CSMD1: variants seen among roughly 807,000 people sequenced by gnomAD.
CSMD1 encodes the protein CUB and sushi domain-containing protein 1.
In CSMD1, 213 loss-of-function variants were observed where a neutral mutation model predicts 417.5. The ratio of observed to expected loss-of-function variants is 0.51; its 90% CI spans 0.46 to 0.57. The LOEUF (loss-of-function observed/expected upper bound fraction) is 0.57, where lower values mean the gene tolerates loss of function less well. Ranked by LOEUF, CSMD1 falls within the 20% of genes least tolerant of loss-of-function variation. The pLI is 0.00. For synonymous variants in CSMD1, 2,862 were observed against 1,736.8 expected (o/e 1.65, Z -16.11); for missense variants, 6,923 against 4,529.7 (o/e 1.53, Z -15.17).
chr8:4,295,701 T>TAAC (rs1159381388), intron 3 of CSMD1, among the ~76,000 whole-genome samples: 235 of 144,968 alleles, frequency 1.6e-3, no homozygotes, highest in Middle Eastern at 7.7e-3. Flanking sequence ...ATATATGTTA[T>TAAC]ATATTGTGTT....
intron 41 of CSMD1, among the ~76,000 whole-genome samples, chr8:3,136,100 C>T (rs937598312): frequency 3.9e-5 from 6 of 152,114 alleles, no homozygotes; most frequent in Non-Finnish European, 5.9e-5. Flanking sequence ...CTTTGTCCCC[C>T]CCTCATGCAT....
chr8:3,789,833 A>C (rs1250366804), intron 5 of CSMD1, among the ~76,000 whole-genome samples: 1 of 148,246 alleles, frequency 6.7e-6, no homozygotes, highest in African/African-American at 2.5e-5. Context: ...CGGGGGTTGC[A>C]CCATTCTCCT....
chr8:4,216,253 C>G lies in CSMD1; in HGVS notation c.416-184154G>C, dbSNP rs77050023. Among the ~76,000 whole-genome samples, 464 of 152,178 alleles carry G rather than the reference C, an allele frequency of 3.0e-3. 7 individuals carry two copies. The highest frequency in any genetic ancestry group is 0.011 in the African/African-American group (452 of 41,526). On this transcript the variant is annotated intron_variant, in intron 3 of 69. Transcript: ENST00000635120. The stretch of plus-strand genomic sequence containing the variant: ...CATGCCCTTTTTTTCTGCCTGGAAT[C>G]CTTTCACTCTACGAGACCTGACCTT...
chr8:3,402,038 C>T (rs1487916739), intron 15 of CSMD1, among the ~76,000 whole-genome samples: 1 of 151,948 alleles, frequency 6.6e-6, no homozygotes, highest in Non-Finnish European at 1.5e-5. Flanking sequence ...ACATACACCC[C>T]TTCTTGATTA....
At chr8:3,127,070 G>C (rs748730425) in intron 41 of CSMD1, among the ~76,000 whole-genome samples, 1 of 152,174 alleles carries the variant, frequency 6.6e-6, no homozygotes, top group Non-Finnish European at 1.5e-5. Flanking sequence ...GATCTGCAGG[G>C]AGAACATCCG....
intron 3 of CSMD1, among the ~76,000 whole-genome samples, chr8:4,256,737 G>C (rs73660711): frequency 5.3e-5 from 8 of 152,122 alleles, no homozygotes; most frequent in Non-Finnish European, 1.2e-4. Context: ...GCACAGTTAC[G>C]GGCAGTGAGG....
chr8:3,603,232 C>A (rs1334806101), intron 8 of CSMD1, among the ~76,000 whole-genome samples: 1 of 152,220 alleles, frequency 6.6e-6, no homozygotes. Context: ...ATTTTTCCTA[C>A]TCTGCTTCAG....
Position 4,874,531 on chromosome 8 carries a change from G to A in CSMD1, c.85+119801C>T, listed in dbSNP as rs188318348. The stretch of plus-strand genomic sequence containing the variant: ...CAGCCTCCTGAGCAGCTGGGATTAC[G>A]GGTGCCTGCCACCTCTCCCGGCTAA... On this transcript the variant is annotated intron_variant, in intron 1 of 69. Coordinates refer to ENST00000635120, the MANE Select transcript of CSMD1 (RefSeq NM_033225.6). 9.3e-5 allele frequency among the ~76,000 whole-genome samples: 14 copies of A among 151,242 alleles called. No individual in the cohort carries two copies. In the East Asian group the frequency reaches 2.1e-3, roughly 23 times the overall value.
intron 1 of CSMD1, among the ~76,000 whole-genome samples, chr8:4,919,820 G>T (rs934822244): frequency 6.6e-6 from 1 of 152,118 alleles, no homozygotes; most frequent in Non-Finnish European, 1.5e-5. Flanking sequence ...GCATGACCCA[G>T]AGTTCATCCC....
intron 3 of CSMD1, among the ~76,000 whole-genome samples, chr8:4,391,318 G>C (rs1398571920): frequency 6.6e-6 from 1 of 152,148 alleles, no homozygotes; most frequent in Admixed American, 6.6e-5. Flanking sequence ...GACATGGTGT[G>C]TTTCCTTCTC....
chr8:3,238,357 G>C (rs1223048885), intron 26 of CSMD1, among the ~76,000 whole-genome samples: 1 of 152,142 alleles, frequency 6.6e-6, no homozygotes, highest in Non-Finnish European at 1.5e-5. Context: ...ATGTGTACAT[G>C]CAGGTCACAG....
intron 1 of CSMD1, among the ~76,000 whole-genome samples, chr8:4,932,744 T>A (rs1807328444): frequency 6.6e-6 from 1 of 152,188 alleles, no homozygotes; most frequent in Non-Finnish European, 1.5e-5. Context: ...GTACGATCCT[T>A]AAAATAATCC....
At chr8:4,023,781 T>G (rs867893081) in intron 4 of CSMD1, among the ~76,000 whole-genome samples, 51 of 87,936 alleles carry the variant, frequency 5.8e-4, no homozygotes, top group East Asian at 1.3e-3. Context: ...TTTTTTTTTT[T>G]TTTGTGTGTG....
At chr8:3,307,847 A>G (rs1805001336) in intron 24 of CSMD1, 26 bp from the exon 25 acceptor site, 1 of 1,605,416 alleles carries the variant, frequency 6.2e-7, no homozygotes, top group South Asian at 1.1e-5. Flanking sequence ...AGAGATGGGA[A>G]CGTTCAGCTT....
intron 1 of CSMD1, among the ~76,000 whole-genome samples, chr8:4,944,146 T>A (rs146573163): frequency 6.6e-6 from 1 of 152,164 alleles, no homozygotes; most frequent in Non-Finnish European, 1.5e-5. Context: ...CATCTGAATA[T>A]CTTGGAAGTC....
intron 58 of CSMD1, 90 bp from the exon 59 acceptor site, chr8:2,966,044 G>C (rs949766336): frequency 5.9e-6 from 7 of 1,194,572 alleles, no homozygotes; most frequent in Admixed American, 4.1e-5. Flanking sequence ...CTCTCTCTGA[G>C]TTGCTATTCA....
chr8:4,517,829 T>C (rs1371096246), intron 2 of CSMD1, among the ~76,000 whole-genome samples: 9 of 152,214 alleles, frequency 5.9e-5, no homozygotes, highest in Non-Finnish European at 1.2e-4. Context: ...CAAACATATA[T>C]TCAACAGTTG....
Position 3,680,409 on chromosome 8 carries a change from C to CT in CSMD1, c.1009+28004dup, listed in dbSNP as rs537234043. The stretch of plus-strand genomic sequence containing the variant: ...TACCATCAGAGAATACTATTAACAC[C>CT]TCTACGCAAATGAACTAGAAAATCT... On this transcript the variant is annotated intron_variant, in intron 7 of 69. Transcript: ENST00000635120. 1.2e-3 allele frequency among the ~76,000 whole-genome samples: 186 copies of CT among 152,292 alleles called. 3 individuals carry two copies. Among genetic ancestry groups the CT allele is most frequent in the African/African-American group, 4.3e-3 (177 of 41,550 alleles).
At chr8:3,784,995 G>C (rs1005477274) in intron 5 of CSMD1, among the ~76,000 whole-genome samples, 2 of 152,142 alleles carry the variant, frequency 1.3e-5, no homozygotes, top group African/African-American at 4.8e-5. Context: ...TCTCATGTCA[G>C]ATTCTCTAGC....
Sources: allele counts gnomAD v4.1 joint callset (sites outside exome capture counted in the v4.1 genomes callset), GRCh38; gene constraint gnomAD v4.1.1; transcripts MANE v1.5; gene names NCBI Gene and HGNC (gene_info 2026-07-23, HGNC 2026-07-21).